The following PTPRM variants were observed in gnomAD, a reference collection of about 807,000 sequenced individuals.
The protein encoded by PTPRM is receptor-type tyrosine-protein phosphatase mu.
PTPRM carries 47 observed loss-of-function variants against 186.7 expected under a neutral mutation model. That is an observed-to-expected ratio of 0.25 (90% CI 0.20 to 0.32). PTPRM has a LOEUF of 0.32. PTPRM is among the 10% of genes least tolerant of loss of function. PTPRM has a pLI of 1.00. For missense variants in PTPRM, 1,494 were observed against 1,865.0 expected, an observed-to-expected ratio of 0.80 and a Z score of 3.66; for synonymous variants, 668 against 674.9, an observed-to-expected ratio of 0.99 and a Z score of 0.16.
chr18:7,803,008 G>A (rs2044052127), intron 2 of PTPRM, among the ~76,000 whole-genome samples: 2 of 152,146 alleles, frequency 1.3e-5, no homozygotes, highest in African/African-American at 4.8e-5. Context: ...CCTAACATGG[G>A]TGGTCATACA....
chr18:8,257,086 C>T (rs2094581585), intron 19 of PTPRM, among the ~76,000 whole-genome samples: 2 of 152,180 alleles, frequency 1.3e-5, no homozygotes, highest in African/African-American at 2.4e-5. Flanking sequence ...AGTCAAACCC[C>T]ACACCCTCTA....
intron 23 of PTPRM, among the ~76,000 whole-genome samples, chr18:8,369,453 A>C (rs2095651144): frequency 6.6e-6 from 1 of 152,190 alleles, no homozygotes; most frequent in South Asian, 2.1e-4. Context: ...TGGAAAATAC[A>C]CTTTGAGAGC....
intron 19 of PTPRM, chr18:8,270,035 T>C (rs1568637414): frequency 3.3e-5 from 5 of 152,018 alleles, no homozygotes. Context: ...AATGACATTT[T>C]CGATATGAAA....
intron 1 of PTPRM, among the ~76,000 whole-genome samples, chr18:7,669,993 C>G (rs1037383198): frequency 2.6e-5 from 4 of 152,122 alleles, no homozygotes; most frequent in African/African-American, 9.7e-5. Flanking sequence ...ATCCGCCTGC[C>G]TCGGACTCCC....
At chr18:7,683,309 A>T (rs1194550330) in intron 1 of PTPRM, among the ~76,000 whole-genome samples, 1 of 151,684 alleles carries the variant, frequency 6.6e-6, no homozygotes, top group Non-Finnish European at 1.5e-5. Context: ...AGCTAGGACT[A>T]CCAGTGTGTG....
chr18:8,195,040 A>G (rs547692060), intron 14 of PTPRM, among the ~76,000 whole-genome samples: 5 of 152,286 alleles, frequency 3.3e-5, no homozygotes, highest in Admixed American at 1.3e-4. Context: ...CCCTGAGGAC[A>G]ACATTCTGCA....
At chr18:8,268,959 G>C (rs1184686797) in intron 19 of PTPRM, among the ~76,000 whole-genome samples, 1 of 151,902 alleles carries the variant, frequency 6.6e-6, no homozygotes, top group African/African-American at 2.4e-5. Flanking sequence ...AAAGTTTCCA[G>C]CTAACATACT....
intron 8 of PTPRM, among the ~76,000 whole-genome samples, chr18:8,070,908 G>A (rs1264106292): frequency 1.3e-5 from 2 of 152,142 alleles, no homozygotes; most frequent in Non-Finnish European, 2.9e-5. Flanking sequence ...TTTGACCATT[G>A]ATTAAATTGT....
At chr18:7,865,970 G>T (rs1207432401) in intron 2 of PTPRM, among the ~76,000 whole-genome samples, 1 of 152,012 alleles carries the variant, frequency 6.6e-6, no homozygotes, top group African/African-American at 2.4e-5. Flanking sequence ...GTTTATTTTT[G>T]TAGAGGTGTT....
intron 1 of PTPRM, among the ~76,000 whole-genome samples, chr18:7,688,094 A>G (rs992785263): frequency 6.6e-6 from 1 of 152,164 alleles, no homozygotes; most frequent in Non-Finnish European, 1.5e-5. Flanking sequence ...TTAAAAATTA[A>G]AAACATTCTC....
intron 1 of PTPRM, among the ~76,000 whole-genome samples, chr18:7,571,503 G>C (rs1219126853): frequency 6.6e-6 from 1 of 152,278 alleles, no homozygotes; most frequent in South Asian, 2.1e-4. Flanking sequence ...ATAATACAAT[G>C]AAGTGTTTAG....
chr18:7,912,348 T>C (rs1244905960), intron 4 of PTPRM, among the ~76,000 whole-genome samples: 2 of 152,196 alleles, frequency 1.3e-5, no homozygotes, highest in African/African-American at 4.8e-5. Flanking sequence ...TATAAAGACA[T>C]TTCTGGACCC....
chr18:7,834,992 C>CTTTTTTTTTTTT, intron 2 of PTPRM, among the ~76,000 whole-genome samples: 1 of 85,268 alleles, frequency 1.2e-5, no homozygotes, highest in Admixed American at 1.3e-4. Context: ...TTATTTGGAT[C>CTTTTTTTTTTTT]TTTTTTTTTT....
intron 2 of PTPRM, among the ~76,000 whole-genome samples, chr18:7,826,527 T>G (rs1567877314): frequency 6.6e-6 from 1 of 152,242 alleles, no homozygotes; most frequent in Non-Finnish European, 1.5e-5. Context: ...ATTTATCGTG[T>G]AGCTCAGTTG....
intron 1 of PTPRM, among the ~76,000 whole-genome samples, chr18:7,571,952 A>T (rs183172054): frequency 9.2e-5 from 14 of 152,300 alleles, no homozygotes; most frequent in Admixed American, 3.3e-4. Flanking sequence ...TTAGCAGTTA[A>T]GTTTATTTTT....
intron 13 of PTPRM, 113 bp from the exon 14 acceptor site, chr18:8,143,534 C>T (rs2092811696): frequency 3.6e-6 from 4 of 1,103,360 alleles, no homozygotes; most frequent in South Asian, 1.5e-5. Flanking sequence ...TGTCTGTCTG[C>T]TGGCTCTGAT....
intron 4 of PTPRM, among the ~76,000 whole-genome samples, chr18:7,913,554 A>G (rs752693080): frequency 4.6e-5 from 7 of 152,148 alleles, no homozygotes; most frequent in Non-Finnish European, 7.4e-5. Context: ...GGGTTTTAGC[A>G]AATCCTTTTT....
intron 1 of PTPRM, among the ~76,000 whole-genome samples, chr18:7,678,110 C>T (rs79022185): frequency 0.077 from 11,669 of 152,062 alleles, 495 homozygotes; most frequent in South Asian, 0.19. Context: ...ACACTTAGAG[C>T]ACCTAAGTAT....
intron 10 of PTPRM, among the ~76,000 whole-genome samples, chr18:8,086,294 AG>A (rs1219594668): frequency 1.3e-5 from 2 of 152,150 alleles, no homozygotes; most frequent in African/African-American, 4.8e-5. Flanking sequence ...CTCTACCATA[AG>A]AAACTTCTGT....
Sources: gnomAD v4.1 joint callset for allele counts (sites outside exome capture counted in the v4.1 genomes callset) on GRCh38, gnomAD v4.1.1 for gene constraint, MANE v1.5 for transcripts, NCBI Gene and HGNC (gene_info 2026-07-23, HGNC 2026-07-21) for gene names.